The following ATAD2B variants were observed in gnomAD, a reference collection of about 807,000 sequenced individuals.
ATAD2B encodes ATPase family AAA domain-containing protein 2B.
ATAD2B carries 40 observed loss-of-function variants against 167.6 expected under a neutral mutation model. The observed-to-expected ratio is 0.24, with a 90% confidence interval of 0.19 to 0.31. The LOEUF is 0.31. ATAD2B is among the 10% of genes least tolerant of loss of function. ATAD2B has a pLI of 1.00. For synonymous variants in ATAD2B, 579 were observed against 596.5 expected, an observed-to-expected ratio of 0.97 and a Z score of 0.43; for missense variants, 1,242 against 1,757.2, an observed-to-expected ratio of 0.71 and a Z score of 5.24.
intron 25 of ATAD2B, chr2:23,755,233 CT>C (rs1675814226): frequency 1.3e-5 from 2 of 152,572 alleles, no homozygotes; most frequent in Admixed American, 1.3e-4. Context: ...TCAGCATTGC[CT>C]GAAATTTCTT....
rs1558822967 is a variant in ATAD2B, at chr2:23,926,914, CAAGA to C, written c.-148_-145del. 9.9e-7 allele frequency: 1 copy of C among 1,006,030 alleles called. No homozygotes were observed. The highest frequency in any genetic ancestry group is 1.7e-5 in the African/African-American group (1 of 57,800). 62.3% of individuals were successfully genotyped at this position (1,006,030 alleles called of 1,614,324 possible). Reference sequence around the variant, plus strand: ...GGAGCGTGCGGAGCGCAGACGAGCACAAGAGAGAGCCGGGCAGAGGAAGGGAAGT... The same window carrying C: ...GGAGCGTGCGGAGCGCAGACGAGCACGAGAGCCGGGCAGAGGAAGGGAAGT... On this transcript the variant is annotated 5_prime_UTR_variant, in exon 1 of 28. Coordinates refer to ENST00000238789, the MANE Select transcript of ATAD2B (RefSeq NM_017552.4).
At chr2:23,709,782 C>T in the ATAD2B span, among the ~76,000 whole-genome samples, 123 of 152,208 alleles carry the variant, frequency 8.1e-4, no homozygotes, top group Non-Finnish European at 1.4e-3. Context: ...TAAAGGATGG[C>T]GAATGTCTAG....
At chr2:23,875,975 A>C in intron 7 of ATAD2B, 71 bp from the exon 8 acceptor site, 1 of 1,151,216 alleles carries the variant, frequency 8.7e-7, no homozygotes. Flanking sequence ...AAGGAGTAGA[A>C]ATGACTTCTG....
At chr2:23,921,205 CAAAAAAAAAAAAA>C (rs61004964) in intron 1 of ATAD2B, among the ~76,000 whole-genome samples, 1 of 32,288 alleles carries the variant, frequency 3.1e-5, no homozygotes, top group East Asian at 1.3e-3. Flanking sequence ...GACTCCATCT[CAAAAAAAAAAAAA>C]AAAAAAAAAA....
chr2:23,718,129 C>T, the ATAD2B span, among the ~76,000 whole-genome samples: 1 of 152,144 alleles, frequency 6.6e-6, no homozygotes, highest in African/African-American at 2.4e-5. Flanking sequence ...TATTAATGGG[C>T]TCCGAGAAAA....
In ATAD2B at chr2:23,754,524, G is replaced by C. The variant is rs1558485468; in HGVS notation, c.4206+123C>G. 8.3e-5 allele frequency: 106 copies of C among 1,271,198 alleles called. 1 individual carries two copies. In the South Asian group the frequency reaches 1.5e-3, roughly 18 times the overall value. 78.7% of individuals were successfully genotyped at this position (1,271,198 alleles called of 1,614,324 possible). On this transcript the variant is annotated intron_variant, in intron 26 of 27. Coordinates refer to ENST00000238789, the MANE Select transcript of ATAD2B (RefSeq NM_017552.4). ...AAATACACATAACTCTTTTTTACTA[G>C]GAGCTCTGAGGCATTTATATTTCAG...
chr2:23,794,955 A>T (rs1682373017), intron 19 of ATAD2B, among the ~76,000 whole-genome samples: 1 of 152,204 alleles, frequency 6.6e-6, no homozygotes, highest in Admixed American at 6.5e-5. Flanking sequence ...AAGAGACACA[A>T]GAGAATGTCA....
At chr2:23,783,532 C>T (rs531055767) in intron 21 of ATAD2B, among the ~76,000 whole-genome samples, 3 of 152,178 alleles carry the variant, frequency 2.0e-5, no homozygotes, top group South Asian at 4.1e-4. Flanking sequence ...GGAGTCATCA[C>T]AAACATTTAG....
At chr2:23,890,843 C>T (rs1699371675) in intron 2 of ATAD2B, among the ~76,000 whole-genome samples, 1 of 151,984 alleles carries the variant, frequency 6.6e-6, no homozygotes, top group Admixed American at 6.6e-5. Flanking sequence ...GCTTACTTGG[C>T]TTTTATTACT....
At chr2:23,840,396 C>T (rs72786279) in intron 13 of ATAD2B, among the ~76,000 whole-genome samples, 18,301 of 152,124 alleles carry the variant, frequency 0.12, 1,167 homozygotes, top group Middle Eastern at 0.21. Flanking sequence ...AAAGAACCAA[C>T]TTTATTAGTT....
the ATAD2B span, among the ~76,000 whole-genome samples, chr2:23,683,128 G>T: frequency 2.6e-5 from 4 of 152,250 alleles, no homozygotes; most frequent in African/African-American, 9.6e-5. Context: ...AGTGTCAGAA[G>T]CAGGGCTGGG....
the ATAD2B span, among the ~76,000 whole-genome samples, chr2:23,678,895 C>T: frequency 9.2e-5 from 14 of 151,820 alleles, no homozygotes; most frequent in South Asian, 6.2e-4. Context: ...TGGTGGTTGC[C>T]GGGGATGAGT....
intron 18 of ATAD2B, among the ~76,000 whole-genome samples, chr2:23,803,587 A>T (rs895114985): frequency 2.0e-5 from 3 of 152,236 alleles, no homozygotes; most frequent in Admixed American, 6.5e-5. Context: ...CTTAAGAAAC[A>T]ATAAGAAAAA....
chr2:23,758,468 T>C (rs928971236), intron 24 of ATAD2B, among the ~76,000 whole-genome samples: 24 of 152,332 alleles, frequency 1.6e-4, no homozygotes, highest in African/African-American at 5.5e-4. Context: ...GCCAGAAAGT[T>C]TGGGGCCAAA....
At chr2:23,701,705 AG>A in the ATAD2B span, among the ~76,000 whole-genome samples, 5 of 152,136 alleles carry the variant, frequency 3.3e-5, no homozygotes, top group East Asian at 9.6e-4. Flanking sequence ...CAACAGAGCA[AG>A]ACCCTGCCTC....
At chr2:23,855,617 T>C (rs921252103) in intron 13 of ATAD2B, among the ~76,000 whole-genome samples, 1 of 152,174 alleles carries the variant, frequency 6.6e-6, no homozygotes, top group African/African-American at 2.4e-5. Context: ...AAAGAAAACA[T>C]GTCCACACAA....
At chr2:23,790,398 A>G (rs2551340) in intron 19 of ATAD2B, among the ~76,000 whole-genome samples, 122,184 of 152,072 alleles carry the variant, frequency 0.8, 49,384 homozygotes, top group African/African-American at 0.88. Context: ...TTAATATCCT[A>G]GACGTACCAC....
At chr2:23,812,755 C>G (rs1009217888) in intron 17 of ATAD2B, among the ~76,000 whole-genome samples, 3 of 148,712 alleles carry the variant, frequency 2.0e-5, no homozygotes, top group South Asian at 2.1e-4. Context: ...CCCAGCTACT[C>G]AGAAGATAGA....
intron 23 of ATAD2B, among the ~76,000 whole-genome samples, chr2:23,762,920 T>C (rs1031364369): frequency 1.3e-5 from 2 of 152,224 alleles, no homozygotes; most frequent in Non-Finnish European, 2.9e-5. Context: ...CTTACTCTAA[T>C]CTACACATTC....
Sources: gnomAD v4.1 joint callset for allele counts (sites outside exome capture counted in the v4.1 genomes callset) on GRCh38, gnomAD v4.1.1 for gene constraint, MANE v1.5 for transcripts, NCBI Gene and HGNC (gene_info 2026-07-23, HGNC 2026-07-21) for gene names.